CORO1C: variants seen among roughly 807,000 people sequenced by gnomAD.
CORO1C encodes the protein coronin 1C.
Under a neutral mutation model 51.2 loss-of-function variants are expected in CORO1C, and 14 were observed. The observed-to-expected ratio is 0.27, with a 90% confidence interval of 0.18 to 0.43. CORO1C has a LOEUF of 0.43. CORO1C is among the 20% of genes least tolerant of loss of function. The pLI is 1.00. For synonymous variants in CORO1C, 181 were observed against 210.5 expected (o/e 0.86, Z 1.21); for missense variants, 417 against 607.8 (o/e 0.69, Z 3.30).
At chr12:108,690,817 A>C (rs2034468835) in intron 2 of CORO1C, among the ~76,000 whole-genome samples, 1 of 152,274 alleles carries the variant, frequency 6.6e-6, no homozygotes, top group African/African-American at 2.4e-5. Flanking sequence ...TAGAAAGCAA[A>C]AGCTGAAAAG....
intron 3 of CORO1C, among the ~76,000 whole-genome samples, chr12:108,675,244 C>T (rs540412248): frequency 6.6e-6 from 1 of 152,102 alleles, no homozygotes; most frequent in African/African-American, 2.4e-5. Context: ...TAAAATAAAC[C>T]AGGACTTCCG....
chr12:108,663,138 G>A (rs2033340094), intron 3 of CORO1C, among the ~76,000 whole-genome samples: 1 of 152,202 alleles, frequency 6.6e-6, no homozygotes, highest in Admixed American at 6.5e-5. Flanking sequence ...ATGCCCATTA[G>A]GATGGCTAGA....
At chr12:108,723,858 C>A (rs142840382) in intron 1 of CORO1C, among the ~76,000 whole-genome samples, 56 of 152,290 alleles carry the variant, frequency 3.7e-4, no homozygotes, top group African/African-American at 1.2e-3. Context: ...ATTTTTCTGG[C>A]AAGATGCAAT....
intron 7 of CORO1C, chr12:108,653,102 G>A (rs2032757312): frequency 6.6e-6 from 1 of 152,168 alleles, no homozygotes; most frequent in Non-Finnish European, 1.5e-5. Flanking sequence ...AAAGAAGAAG[G>A]CAAAAATAGC....
intron 3 of CORO1C, among the ~76,000 whole-genome samples, chr12:108,674,497 G>A (rs1484635696): frequency 5.3e-5 from 8 of 150,162 alleles, no homozygotes; most frequent in Middle Eastern, 3.3e-3. Context: ...GCAGTGAGCC[G>A]AGATCGTACC....
intron 1 of CORO1C, among the ~76,000 whole-genome samples, chr12:108,723,009 T>C (rs2035508519): frequency 6.6e-6 from 1 of 152,188 alleles, no homozygotes; most frequent in African/African-American, 2.4e-5. Flanking sequence ...TTACTCTATT[T>C]CTAAAACAGA....
chr12:108,658,748 T>G lies in CORO1C; in HGVS notation c.620A>C (p.Glu207Ala), dbSNP rs1273817764. Residue 207 changes from glutamate to alanine, a missense_variant, in exon 5 of 11, where the codon GAG becomes GCG. Physicochemically the swap from Glu to Ala is moderately radical, Grantham distance 107. Coordinates refer to ENST00000261401, the MANE Select transcript of CORO1C (RefSeq NM_014325.4). This position sits in a 1 kb window ranked among gnomAD's most constrained non-coding sequence, Gnocchi z 4.9. ...CCTAGGAATACTCACAGCAACAATCTCTTGTTTCCTGGGATCAATGACTCT... is the reference window on the plus strand; with the variant it reads ...CCTAGGAATACTCACAGCAACAATCGCTTGTTTCCTGGGATCAATGACTCT... ...KVRVIDPRKQ[E>A]IVAEKEKAHE... is the part of the protein sequence containing the mutation. 6.2e-7 allele frequency: 1 copy of G among 1,608,346 alleles called. No homozygotes were observed. Among genetic ancestry groups the G allele is most frequent in the Non-Finnish European group, 8.5e-7 (1 of 1,174,978 alleles).
intron 4 of CORO1C, among the ~76,000 whole-genome samples, chr12:108,660,319 C>T (rs967112077): frequency 6.6e-6 from 1 of 152,052 alleles, no homozygotes; most frequent in Non-Finnish European, 1.5e-5. Flanking sequence ...GGTGTGGTGG[C>T]ACATGCCTGT....
intron 1 of CORO1C, chr12:108,730,370 C>A (rs2035689950): frequency 1.3e-5 from 2 of 152,286 alleles, no homozygotes; most frequent in African/African-American, 4.8e-5. Flanking sequence ...CAGCGCCTCC[C>A]TCCAAGAGGA....
At chr12:108,665,589 G>A (rs1014187326) in intron 3 of CORO1C, among the ~76,000 whole-genome samples, 2 of 151,842 alleles carry the variant, frequency 1.3e-5, no homozygotes, top group Admixed American at 6.5e-5. Flanking sequence ...CCAGAGTCAG[G>A]CAGAGTCTGG....
chr12:108,677,668 CT>C (rs2033956046), intron 3 of CORO1C, among the ~76,000 whole-genome samples: 1 of 152,202 alleles, frequency 6.6e-6, no homozygotes, highest in African/African-American at 2.4e-5. Context: ...TACAGAATTA[CT>C]GAAAAGTCAC....
At chr12:108,650,446 T>A (rs886370719) in intron 8 of CORO1C, among the ~76,000 whole-genome samples, 3 of 152,104 alleles carry the variant, frequency 2.0e-5, no homozygotes, top group African/African-American at 7.2e-5. Context: ...TCCCAAAGTG[T>A]TGGGATTACA....
intron 2 of CORO1C, among the ~76,000 whole-genome samples, chr12:108,684,579 CAT>C (rs1359854020): frequency 2.6e-5 from 4 of 151,976 alleles, no homozygotes; most frequent in Non-Finnish European, 2.9e-5. Context: ...AATAAAAGTA[CAT>C]GTTACAGATA....
intron 1 of CORO1C, chr12:108,730,386 C>G (rs1263464119): frequency 6.6e-6 from 1 of 152,262 alleles, no homozygotes; most frequent in African/African-American, 2.4e-5. Context: ...GAGGAAGCCC[C>G]TTTCTTCTCA....
rs572118489 is a variant in CORO1C at position 108,647,314 on chromosome 12, T to C, written c.*89A>G. On this transcript the variant is annotated 3_prime_UTR_variant, in exon 11 of 11. Transcript: ENST00000261401. The stretch of plus-strand genomic sequence containing the variant: ...ATGTCTCCAAATGGCAGTGCCTCCC[T>C]TTCCGCCCTCCCTAGGACCACACCA... 21 of 1,278,214 alleles carry C rather than the reference T, an allele frequency of 1.6e-5. 1 individual carries two copies. In the South Asian group the frequency reaches 3.6e-4, roughly 22 times the overall value. 79.2% of individuals were successfully genotyped at this position (1,278,214 alleles called of 1,614,324 possible). A position where few individuals can be genotyped will look rare whatever the true frequency, so the allele number is the denominator to read the frequency against.
intron 7 of CORO1C, 123 bp downstream of exon 7, chr12:108,654,183 T>C: frequency 3.0e-6 from 2 of 677,036 alleles, no homozygotes; most frequent in Non-Finnish European, 5.3e-6. Context: ...CCTTGGCTTA[T>C]AACATACACA....
At chr12:108,677,242 C>A (rs1164182326) in intron 3 of CORO1C, among the ~76,000 whole-genome samples, 2 of 152,052 alleles carry the variant, frequency 1.3e-5, no homozygotes, top group African/African-American at 2.4e-5. Flanking sequence ...ACCTTTTCAG[C>A]CTACTTTGGG....
At position 108,652,055 on chromosome 12, in the gene CORO1C, C is replaced by CTTT. The variant is rs202228272; in HGVS notation, c.1001+214_1001+216dup. On this transcript the variant is annotated intron_variant, in intron 8 of 10. Coordinates refer to ENST00000261401, the MANE Select transcript of CORO1C (RefSeq NM_014325.4). ...AAAAAAAGTGAGATTTTTTTCTTTT[C>CTTT]TTTTTTTTTTTTTTTTGAGATTTTT... 320 of 142,908 alleles carry CTTT rather than the reference C, an allele frequency of 2.2e-3. 2 individuals carry two copies. Among genetic ancestry groups the CTTT allele is most frequent in the African/African-American group, 8.8e-3 (282 of 31,982 alleles). 8.9% of individuals were successfully genotyped at this position (142,908 alleles called of 1,614,324 possible).
chr12:108,658,734 T>C lies in CORO1C; in HGVS notation c.630+4A>G. The C allele has an allele frequency of 6.2e-7, 1 of 1,605,606 alleles. No individual in the cohort carries two copies. Among genetic ancestry groups the C allele is most frequent in the African/African-American group, 1.3e-5 (1 of 74,974 alleles). On this transcript the variant is annotated splice_donor_region_variant and intron_variant, in intron 5 of 10. Transcript: ENST00000261401. The surrounding 1 kb of genome is among the most constrained non-coding windows in gnomAD (Gnocchi z 4.9). ...TACTGAGTTTTCATCCTAGGAATAC[T>C]CACAGCAACAATCTCTTGTTTCCTG... is the stretch of plus-strand genomic sequence containing the variant.
Sources: allele counts gnomAD v4.1 joint callset (sites outside exome capture counted in the v4.1 genomes callset), GRCh38; gene constraint gnomAD v4.1.1; non-coding constraint Gnocchi (gnomAD v3.1); transcripts MANE v1.5; gene names NCBI Gene and HGNC (gene_info 2026-07-23, HGNC 2026-07-21).